The following SSH1 variants were observed in gnomAD, a reference collection of about 807,000 sequenced individuals.
SSH1 encodes protein phosphatase Slingshot homolog 1.
In SSH1, 43 loss-of-function variants were observed where a neutral mutation model predicts 79.7. The observed-to-expected ratio is 0.54, with a 90% CI of 0.42 to 0.70. SSH1 has a LOEUF of 0.70. Ranked by LOEUF, SSH1 falls within the 30% of genes least tolerant of loss-of-function variation. SSH1 has a pLI of 0.00. For missense variants in SSH1, 1,206 were observed against 1,358.8 expected (o/e 0.89, Z 1.77); for synonymous variants, 599 against 538.3 (o/e 1.11, Z -1.56).
intron 5 of SSH1, among the ~76,000 whole-genome samples, chr12:108,814,885 G>A (rs374831138): frequency 1.2e-4 from 19 of 152,334 alleles, no homozygotes; most frequent in South Asian, 1.0e-3. Flanking sequence ...ACGAGCGCAC[G>A]GGCCAGTCTC....
chr12:108,842,702 C>T (rs192703824), intron 2 of SSH1, among the ~76,000 whole-genome samples: 1 of 152,306 alleles, frequency 6.6e-6, no homozygotes, highest in African/African-American at 2.4e-5. Context: ...ATTCTGTCTC[C>T]CAGTGTGGGT....
At chr12:108,793,675 C>T (rs1050839778) in intron 13 of SSH1, among the ~76,000 whole-genome samples, 2 of 152,084 alleles carry the variant, frequency 1.3e-5, no homozygotes, top group African/African-American at 2.4e-5. Context: ...GGATTACTGG[C>T]ATGAGCCACT....
intron 2 of SSH1, among the ~76,000 whole-genome samples, chr12:108,847,468 AACTT>A (rs2038923659): frequency 6.6e-6 from 1 of 152,052 alleles, no homozygotes; most frequent in Admixed American, 6.5e-5. Flanking sequence ...CACTTTTATC[AACTT>A]ACTTATTTTG....
intron 5 of SSH1, 86 bp from the exon 6 acceptor site, chr12:108,811,414 G>T: frequency 8.0e-7 from 1 of 1,245,238 alleles, no homozygotes; most frequent in Non-Finnish European, 1.2e-6. Flanking sequence ...GGTCCAGGAC[G>T]GGCTGTTGGA....
In SSH1 at chr12:108,857,444, G is replaced by A; in HGVS notation, c.53C>T (p.Ser18Leu). The A allele has an allele frequency of 9.0e-7, 1 of 1,113,408 alleles. No individual in the cohort carries two copies. Among genetic ancestry groups the A allele is most frequent in the Non-Finnish European group, 1.1e-6 (1 of 895,854 alleles). The allele number at this position is 1,113,408 out of a possible 1,614,324, so 69.0% of individuals were successfully genotyped here. The change falls in exon 1 of 15, where the codon TCG becomes TTG. Residue 18 changes from serine to leucine, a missense_variant. Coordinates refer to ENST00000326495, the MANE Select transcript of SSH1 (RefSeq NM_018984.4). This position sits in a 1 kb window ranked among gnomAD's most constrained non-coding sequence, Gnocchi z 4.7. Reference sequence around the variant, plus strand: ...GGGGCTCACCTCGCTGTTGCTGGCCGAGGAGGAGGCGGCGCTGGGCGTGGG... The same window carrying A: ...GGGGCTCACCTCGCTGTTGCTGGCCAAGGAGGAGGCGGCGCTGGGCGTGGG... ...RSPTPSAASS[S>L]ASNSELEAGS...
Position 108,799,350 on chromosome 12 carries a change from C to G in SSH1, c.1149-150G>C, listed in dbSNP as rs986757294. The G allele has an allele frequency of 4.5e-6, 3 of 671,456 alleles. No individual in the cohort carries two copies. In the East Asian group the frequency reaches 8.2e-5, roughly 18 times the overall value. 41.6% of individuals were successfully genotyped at this position (671,456 alleles called of 1,614,324 possible). ...TCTTACTGCCGAAATCCTCCTACGT[C>G]TTAATGTTTACGGAGCAGATGTCCA... On this transcript the variant is annotated intron_variant, in intron 12 of 14. Coordinates refer to ENST00000326495, the MANE Select transcript of SSH1 (RefSeq NM_018984.4).
intron 6 of SSH1, among the ~76,000 whole-genome samples, chr12:108,810,459 T>C (rs1169429803): frequency 6.6e-6 from 1 of 151,606 alleles, no homozygotes; most frequent in Admixed American, 6.6e-5. Context: ...GAAGTGGAGG[T>C]TGCAGTGAGC....
chr12:108,829,756 C>T (rs1392389092), intron 2 of SSH1, among the ~76,000 whole-genome samples: 2 of 152,178 alleles, frequency 1.3e-5, no homozygotes, highest in African/African-American at 2.4e-5. Context: ...CCAGCCTCAG[C>T]AGAGTCTAAT....
chr12:108,839,978 G>A (rs2038736301), intron 2 of SSH1, among the ~76,000 whole-genome samples: 1 of 152,218 alleles, frequency 6.6e-6, no homozygotes. Flanking sequence ...GGTGGGCCCA[G>A]GGTCAGACAT....
chr12:108,855,763 C>T (rs2137304938), intron 1 of SSH1, among the ~76,000 whole-genome samples: 1 of 152,316 alleles, frequency 6.6e-6, no homozygotes, highest in East Asian at 1.9e-4. Flanking sequence ...TTCTCAGTAG[C>T]AGGCTATTGA....
At position 108,848,751 on chromosome 12, in the gene SSH1, G is replaced by T. The variant is rs192308430; in HGVS notation, c.110+3887C>A. Among the ~76,000 whole-genome samples, 491 of 152,286 alleles carry T rather than the reference G, an allele frequency of 3.2e-3. 1 individual carries two copies. Among genetic ancestry groups the T allele is most frequent in the Non-Finnish European group, 6.0e-3 (406 of 68,010 alleles). On this transcript the variant is annotated intron_variant, in intron 2 of 14. Coordinates refer to ENST00000326495, the MANE Select transcript of SSH1 (RefSeq NM_018984.4). ...AGAGGGGTTTAAAAGGGCACCTAGG[G>T]GGACAAGCCCAGAGCCCAGCATCCC...
chr12:108,806,712 T>C (rs971347917), intron 8 of SSH1, among the ~76,000 whole-genome samples: 3 of 152,088 alleles, frequency 2.0e-5, no homozygotes, highest in African/African-American at 4.8e-5. Context: ...GGCCCTTGAG[T>C]CTCTGCTCGA....
chr12:108,790,193 C>T lies in SSH1; in HGVS notation c.1894-949G>A, dbSNP rs536582821. Among the ~76,000 whole-genome samples the T allele has an allele frequency of 5.9e-5, 9 of 151,940 alleles. 2 individuals carry two copies. In the South Asian group the frequency reaches 1.9e-3, roughly 32 times the overall value. On this transcript the variant is annotated intron_variant, in intron 14 of 14. Coordinates refer to ENST00000326495, the MANE Select transcript of SSH1 (RefSeq NM_018984.4). ...TAAATGAAGTTTCGCTCTTGTTGCCCAGGGTGGAGTGCAATTGCGTGATCT... is the reference window on the plus strand; with the variant it reads ...TAAATGAAGTTTCGCTCTTGTTGCCTAGGGTGGAGTGCAATTGCGTGATCT...
In SSH1 at chr12:108,857,317, C is replaced by A; in HGVS notation, c.69+111G>T. The A allele has an allele frequency of 1.8e-6, 1 of 568,530 alleles. No individual in the cohort carries two copies. Among genetic ancestry groups the A allele is most frequent in the Non-Finnish European group, 2.2e-6 (1 of 449,210 alleles). 35.2% of individuals were successfully genotyped at this position (568,530 alleles called of 1,614,324 possible). Reference sequence around the variant, plus strand: ...CCCGGCTCTGTTCCTACGGCGGGGCCCCGAGGAGCCCGCGCAGCCGCCCCC... The same window carrying A: ...CCCGGCTCTGTTCCTACGGCGGGGCACCGAGGAGCCCGCGCAGCCGCCCCC... On this transcript the variant is annotated intron_variant, in intron 1 of 14. Coordinates refer to ENST00000326495, the MANE Select transcript of SSH1 (RefSeq NM_018984.4). This position sits in a 1 kb window ranked among gnomAD's most constrained non-coding sequence, Gnocchi z 4.7.
In SSH1 at chr12:108,794,789, T is replaced by C. The variant is rs537814712; in HGVS notation, c.1350-1960A>G. ...AGGAAATTCCTTGCGGTCCCCAAGA[T>C]CTTTACCCTAAAGCTTTTCGGTTAA... On this transcript the variant is annotated intron_variant, in intron 13 of 14. Transcript: ENST00000326495. Among the ~76,000 whole-genome samples the C allele has an allele frequency of 1.3e-4, 20 of 152,040 alleles. No homozygotes were observed. In the South Asian group the frequency reaches 3.9e-3, roughly 30 times the overall value.
chr12:108,844,383 G>A lies in SSH1; in HGVS notation c.110+8255C>T, dbSNP rs552189082. On this transcript the variant is annotated intron_variant, in intron 2 of 14. Transcript: ENST00000326495. ...GAGCATGAACAAGCATGTGGGTGCT[G>A]AGTGGAGGGGACCAGTGTTTACCAG... Among the ~76,000 whole-genome samples, 8 of 152,326 alleles carry A rather than the reference G, an allele frequency of 5.3e-5. No individual in the cohort carries two copies. In the South Asian group the frequency reaches 1.7e-3, roughly 32 times the overall value.
At position 108,857,198 on chromosome 12, in the gene SSH1, G is replaced by C. The variant is rs552319761; in HGVS notation, c.69+230C>G. The stretch of plus-strand genomic sequence containing the variant: ...CACAGTCCCTGCAAAGTCGCCCCCC[G>C]ATAGGGGTCACACCGCACACAAAGT... On this transcript the variant is annotated intron_variant, in intron 1 of 14. Transcript: ENST00000326495. The surrounding 1 kb of genome is among the most constrained non-coding windows in gnomAD (Gnocchi z 4.7). Among the ~76,000 whole-genome samples, 1 of 152,220 alleles carries C rather than the reference G, an allele frequency of 6.6e-6. No homozygotes were observed. The highest frequency in any genetic ancestry group is 2.4e-5 in the African/African-American group (1 of 41,536).
intron 2 of SSH1, among the ~76,000 whole-genome samples, chr12:108,841,415 G>A (rs749041241): frequency 1.2e-4 from 18 of 152,218 alleles, no homozygotes; most frequent in African/African-American, 3.6e-4. Context: ...TTCGTTTTAC[G>A]TTAACCTTAA....
chr12:108,784,928 C>T lies in SSH1; in HGVS notation c.*3060G>A, dbSNP rs921199885. ...GTGACTTGCACAGCACAGACCCCTG[C>T]CTCCTCTGCCTGCCTCTTTCCTGTG... is the stretch of plus-strand genomic sequence containing the variant. On this transcript the variant is annotated 3_prime_UTR_variant, in exon 15 of 15. Transcript: ENST00000326495. 1 of 152,286 alleles carries T rather than the reference C, an allele frequency of 6.6e-6. No homozygotes were observed. Among genetic ancestry groups the T allele is most frequent in the Non-Finnish European group, 1.5e-5 (1 of 68,070 alleles). The allele number at this position is 152,286 out of a possible 1,614,324, so 9.4% of individuals were successfully genotyped here. A position where few individuals can be genotyped will look rare whatever the true frequency, so the allele number is the denominator to read the frequency against.
Sources: allele counts gnomAD v4.1 joint callset (sites outside exome capture counted in the v4.1 genomes callset), GRCh38; gene constraint gnomAD v4.1.1; non-coding constraint Gnocchi (gnomAD v3.1); transcripts MANE v1.5; gene names NCBI Gene and HGNC (gene_info 2026-07-23, HGNC 2026-07-21).